Variants in APP observed in about 807,000 individuals in gnomAD.
APP encodes the protein amyloid-beta precursor protein.
In APP, 31 loss-of-function variants were observed where a neutral mutation model predicts 101.4. That is an observed-to-expected ratio of 0.31 (90% CI 0.23 to 0.41). The LOEUF is 0.41. Ranked by LOEUF, APP falls within the 10% of genes least tolerant of loss-of-function variation. APP has a pLI of 1.00. For synonymous variants in APP, 366 were observed against 364.4 expected, an observed-to-expected ratio of 1.00 and a Z score of -0.05; for missense variants, 839 against 1,003.7, an observed-to-expected ratio of 0.84 and a Z score of 2.22.
intron 1 of APP, among the ~76,000 whole-genome samples, chr21:26,121,312 C>A (rs570410838): frequency 2.6e-4 from 39 of 152,296 alleles, no homozygotes; most frequent in Admixed American, 2.3e-3. Flanking sequence ...GGGGGTCACT[C>A]CTCATACCTG....
At chr21:25,899,554 A>G (rs928213022) in intron 15 of APP, among the ~76,000 whole-genome samples, 2 of 152,130 alleles carry the variant, frequency 1.3e-5, no homozygotes, top group African/African-American at 2.4e-5. Context: ...CAGAGTTCAC[A>G]TGGTAAGATA....
intron 8 of APP, among the ~76,000 whole-genome samples, chr21:25,992,890 G>A (rs929505757): frequency 3.3e-5 from 5 of 152,176 alleles, no homozygotes; most frequent in Non-Finnish European, 7.3e-5. Context: ...ATGTGCTAAT[G>A]GGAACTAACA....
chr21:25,960,223 A>G (rs1365685575), intron 11 of APP, among the ~76,000 whole-genome samples: 1 of 152,164 alleles, frequency 6.6e-6, no homozygotes, highest in African/African-American at 2.4e-5. Flanking sequence ...CTAAGGTCTG[A>G]GTCCTGAAGA....
intron 1 of APP, among the ~76,000 whole-genome samples, chr21:26,131,886 TCG>T (rs1357253957): frequency 6.6e-6 from 1 of 151,746 alleles, no homozygotes; most frequent in Non-Finnish European, 1.5e-5. Flanking sequence ...CCTACTGGAA[TCG>T]TGATAGTTGA....
chr21:26,091,766 G>A (rs2061831353), intron 2 of APP, among the ~76,000 whole-genome samples: 1 of 152,090 alleles, frequency 6.6e-6, no homozygotes, highest in South Asian at 2.1e-4. Flanking sequence ...AAACAAAAAT[G>A]AAGAGGAAAA....
intron 5 of APP, among the ~76,000 whole-genome samples, chr21:26,035,378 G>A (rs1464676046): frequency 2.6e-5 from 4 of 152,132 alleles, no homozygotes; most frequent in Non-Finnish European, 5.9e-5. Flanking sequence ...TCAGCCCGGG[G>A]GTTAGCAAGC....
At chr21:26,093,771 A>G (rs549207833) in intron 2 of APP, among the ~76,000 whole-genome samples, 29 of 152,284 alleles carry the variant, frequency 1.9e-4, no homozygotes, top group African/African-American at 6.0e-4. Context: ...TTCTCTCTCT[A>G]TAACACCAAC....
At position 26,136,345 on chromosome 21, in the gene APP, T is replaced by C. The variant is rs1601549089; in HGVS notation, c.58-24199A>G. On this transcript the variant is annotated intron_variant, in intron 1 of 17. Coordinates refer to ENST00000346798, the MANE Select transcript of APP (RefSeq NM_000484.4). ...AATATACAGCCACCGAGCAATCATA[T>C]ACATCTTTTAAAAAGAAACAGGCAA... Among the ~76,000 whole-genome samples, 3 of 152,222 alleles carry C rather than the reference T, an allele frequency of 2.0e-5. No individual in the cohort carries two copies. The East Asian group carries it at 5.8e-4, about 29-fold the overall frequency.
intron 2 of APP, among the ~76,000 whole-genome samples, chr21:26,098,329 C>T (rs1362957954): frequency 6.6e-6 from 1 of 151,876 alleles, no homozygotes; most frequent in Admixed American, 6.6e-5. Flanking sequence ...TCTCTTCTCA[C>T]TATCTCTCCA....
At chr21:25,995,940 G>GA (rs1476103766) in intron 8 of APP, among the ~76,000 whole-genome samples, 1 of 144,406 alleles carries the variant, frequency 6.9e-6, no homozygotes, top group Non-Finnish European at 1.5e-5. Flanking sequence ...GTTTTGAGAT[G>GA]AGGGTTTTTT....
In APP at chr21:26,150,626, TAGAC is replaced by T. The variant is rs1555884295; in HGVS notation, c.57+19934_57+19937del. ...ATAGACAGATAGATAGACAGATAGA[TAGAC>T]AGACAGACAGACAGATTGACTGATT... On this transcript the variant is annotated intron_variant, in intron 1 of 17. Transcript: ENST00000346798. Among the ~76,000 whole-genome samples, 11 of 149,924 alleles carry T rather than the reference TAGAC, an allele frequency of 7.3e-5. No individual in the cohort carries two copies. The East Asian group carries it at 1.8e-3, about 24-fold the overall frequency.
rs1342813892 is a variant in APP at position 25,938,092 on chromosome 21, C to T, written c.1687+16498G>A. ...CCTGGCCTTTTATACTGTTTATTCC[C>T]TTTAGATACAGTTAATGGACATTAA... On this transcript the variant is annotated intron_variant, in intron 13 of 17. Transcript: ENST00000346798. 3.3e-5 allele frequency among the ~76,000 whole-genome samples: 5 copies of T among 152,232 alleles called. No individual in the cohort carries two copies. In the South Asian group the frequency reaches 1.0e-3, roughly 32 times the overall value.
At position 25,997,374 on chromosome 21, in the gene APP, C is replaced by T. The variant is rs1057524107; in HGVS notation, c.1076G>A (p.Arg359Gln). 8 of 1,613,896 alleles carry T rather than the reference C, an allele frequency of 5.0e-6. No homozygotes were observed. The highest frequency in any genetic ancestry group is 3.3e-5 in the South Asian group (3 of 91,070). ...TGACAACGTACGTTTAACAGGATCTCGGGCAAGAGGTTCCTGGGTAGTCTT... is the reference window on the plus strand; with the variant it reads ...TGACAACGTACGTTTAACAGGATCTTGGGCAAGAGGTTCCTGGGTAGTCTT... ...LLKTTQEPLA[R>Q]DPVKLPTTAA... Residue 359 changes from arginine (R) to glutamine (Q), a missense_variant, in exon 8 of 18, where the codon CGA (arginine) becomes CAA (glutamine). By Grantham distance (43) the Arg-to-Gln change is conservative (BLOSUM62 1). Coordinates refer to ENST00000346798, the MANE Select transcript of APP (RefSeq NM_000484.4).
chr21:25,899,893 T>C (rs1246731001), intron 15 of APP, among the ~76,000 whole-genome samples: 10 of 152,190 alleles, frequency 6.6e-5, no homozygotes, highest in Admixed American at 1.3e-4. Flanking sequence ...CTCTTTAATA[T>C]AGACATAAAA....
intron 3 of APP, among the ~76,000 whole-genome samples, chr21:26,081,928 C>A (rs906098114): frequency 6.6e-6 from 1 of 152,118 alleles, no homozygotes. Flanking sequence ...ATATAAAATC[C>A]TTGTTTTGGC....
chr21:25,914,611 T>G (rs987311019), intron 13 of APP, among the ~76,000 whole-genome samples: 1 of 142,568 alleles, frequency 7.0e-6, no homozygotes, highest in Non-Finnish European at 1.5e-5. Flanking sequence ...TGGAGTGCAG[T>G]GGCGCAATCT....
At chr21:26,125,322 A>G (rs906528470) in intron 1 of APP, among the ~76,000 whole-genome samples, 12 of 152,222 alleles carry the variant, frequency 7.9e-5, no homozygotes, top group African/African-American at 2.9e-4. Context: ...GCTATATTTT[A>G]GGGCTCTGTT....
chr21:26,029,409 A>T (rs1033924760), intron 5 of APP, among the ~76,000 whole-genome samples: 3 of 152,322 alleles, frequency 2.0e-5, no homozygotes, highest in Admixed American at 6.5e-5. Flanking sequence ...ATGCAAAATT[A>T]CTGCCCTGAT....
intron 1 of APP, among the ~76,000 whole-genome samples, chr21:26,164,274 T>C (rs2063560555): frequency 6.6e-6 from 1 of 152,218 alleles, no homozygotes; most frequent in African/African-American, 2.4e-5. Context: ...AAATTCATTT[T>C]ATTTTGAAAC....
Sources: allele counts gnomAD v4.1 joint callset (sites outside exome capture counted in the v4.1 genomes callset), GRCh38; gene constraint gnomAD v4.1.1; transcripts MANE v1.5; gene names NCBI Gene and HGNC (gene_info 2026-07-23, HGNC 2026-07-21).